The following NBEA variants were observed in gnomAD, a reference collection of about 807,000 sequenced individuals.
NBEA encodes neurobeachin.
Under a neutral mutation model 343.4 loss-of-function variants are expected in NBEA, and 44 were observed. The ratio of observed to expected loss-of-function variants is 0.13; its 90% CI spans 0.10 to 0.16. The LOEUF (loss-of-function observed/expected upper bound fraction) is 0.16. NBEA is among the 10% of genes least tolerant of loss of function. The pLI, the probability that NBEA is intolerant of heterozygous loss-of-function variation, is 1.00. For missense variants in NBEA, 2,555 were observed against 3,631.3 expected, an observed-to-expected ratio of 0.70 and a Z score of 7.62; for synonymous variants, 1,175 against 1,238.7, an observed-to-expected ratio of 0.95 and a Z score of 1.08.
intron 1 of NBEA, among the ~76,000 whole-genome samples, chr13:34,997,887 A>G (rs2060992018): frequency 6.6e-6 from 1 of 152,182 alleles, no homozygotes; most frequent in South Asian, 2.1e-4. Flanking sequence ...GACAATTTTT[A>G]CAAGAGACCT....
intron 1 of NBEA, among the ~76,000 whole-genome samples, chr13:34,996,047 T>C (rs1046136566): frequency 6.6e-6 from 1 of 152,178 alleles, no homozygotes; most frequent in Non-Finnish European, 1.5e-5. Context: ...ATTAAATGAC[T>C]TACCCAAGAT....
chr13:35,649,861 AG>A lies in NBEA; in HGVS notation c.7963+15del, dbSNP rs779342672. On this transcript the variant is annotated intron_variant, in intron 52 of 58. Transcript: ENST00000379939. ...ACAACACAGTAGGTATGTGTGCCTG[AG>A]CAAATCACTTACTAAAGATTTCTTA... 5.0e-6 allele frequency: 8 copies of A among 1,607,500 alleles called. No homozygotes were observed. In the Admixed American group the frequency reaches 8.6e-5, roughly 17 times the overall value.
At chr13:35,280,897 G>A (rs1218734294) in intron 34 of NBEA, among the ~76,000 whole-genome samples, 2 of 151,678 alleles carry the variant, frequency 1.3e-5, no homozygotes, top group African/African-American at 4.8e-5. Context: ...AGTAATAAAA[G>A]TACCACTTAC....
intron 1 of NBEA, among the ~76,000 whole-genome samples, chr13:35,021,367 T>A (rs2061832980): frequency 6.6e-6 from 1 of 152,192 alleles, no homozygotes; most frequent in Admixed American, 6.5e-5. Flanking sequence ...TGCATTTTTT[T>A]GTAGACAGAT....
In NBEA at chr13:34,965,059, T is replaced by C. The variant is rs114553134; in HGVS notation, c.294+21945T>C. ...GGTCTTCCATTAACATTATATGGTA[T>C]ATGTCAGCAGCATTCTTGTATGGTT... is the stretch of plus-strand genomic sequence containing the variant. On this transcript the variant is annotated intron_variant, in intron 1 of 58. Coordinates refer to ENST00000379939, the MANE Select transcript of NBEA (RefSeq NM_001385012.1). Among the ~76,000 whole-genome samples the C allele has an allele frequency of 4.9e-3, 749 of 152,190 alleles. 6 individuals carry two copies. Among genetic ancestry groups the C allele is most frequent in the African/African-American group, 0.017 (703 of 41,568 alleles).
chr13:34,968,676 T>C (rs1003344876), intron 1 of NBEA, among the ~76,000 whole-genome samples: 1 of 152,144 alleles, frequency 6.6e-6, no homozygotes, highest in African/African-American at 2.4e-5. Context: ...TTTAGAAAAA[T>C]GTGAAAAACT....
At position 35,135,747 on chromosome 13, in the gene NBEA, A is replaced by C. The variant is rs1382220341; in HGVS notation, c.2337-6522A>C. ...AAGGGGTGTAGAATAGAAAGCACAG[A>C]AACACATCCTGATATACGTGTATAT... On this transcript the variant is annotated intron_variant, in intron 17 of 58. Transcript: ENST00000379939. Among the ~76,000 whole-genome samples the C allele has an allele frequency of 2.0e-5, 3 of 152,076 alleles. No individual in the cohort carries two copies. The South Asian group carries it at 6.2e-4, about 32-fold the overall frequency.
intron 48 of NBEA, among the ~76,000 whole-genome samples, chr13:35,613,075 A>T (rs2082592393): frequency 6.7e-6 from 1 of 149,576 alleles, no homozygotes; most frequent in Non-Finnish European, 1.5e-5. Context: ...AATATATTTT[A>T]AAAATATATA....
chr13:35,441,364 A>C (rs1286897431), intron 39 of NBEA, among the ~76,000 whole-genome samples: 1 of 152,156 alleles, frequency 6.6e-6, no homozygotes, highest in Non-Finnish European at 1.5e-5. Context: ...TGAAAATTCT[A>C]ATCTATAGTA....
chr13:35,462,024 A>G (rs1481344368), intron 40 of NBEA, among the ~76,000 whole-genome samples: 3 of 152,240 alleles, frequency 2.0e-5, no homozygotes, highest in Non-Finnish European at 4.4e-5. Flanking sequence ...GAATCTGATT[A>G]GAATAGAAAA....
At chr13:35,538,693 C>A (rs9530689) in intron 41 of NBEA, among the ~76,000 whole-genome samples, 1 of 152,186 alleles carries the variant, frequency 6.6e-6, no homozygotes, top group Non-Finnish European at 1.5e-5. Context: ...ATAAACAGTG[C>A]GTCACATACC....
Position 35,118,424 on chromosome 13 carries a change from G to A in NBEA, c.2193G>A (p.Ser731=), listed in dbSNP as rs769776727. 4.7e-5 allele frequency: 75 copies of A among 1,606,664 alleles called. No homozygotes were observed. The highest frequency in any genetic ancestry group is 5.7e-5 in the Non-Finnish European group (67 of 1,177,138). Residue 731 remains serine (S), a synonymous_variant, in exon 16 of 59, where the codon TCG becomes TCA. Coordinates refer to ENST00000379939, the MANE Select transcript of NBEA (RefSeq NM_001385012.1). ...TACAGTTACTGGTGGCTTTAATGTCGGAACACCCAGCCTCAATGATACCAG... is the reference window on the plus strand; with the variant it reads ...TACAGTTACTGGTGGCTTTAATGTCAGAACACCCAGCCTCAATGATACCAG... ...DVLQLLVALM[S]EHPASMIPAF... is the part of the protein sequence containing the mutation.
intron 39 of NBEA, among the ~76,000 whole-genome samples, chr13:35,437,459 T>A (rs2045504060): frequency 6.6e-6 from 1 of 152,202 alleles, no homozygotes; most frequent in African/African-American, 2.4e-5. Flanking sequence ...TTTTTCATGC[T>A]TTTTTAGTAA....
chr13:34,958,133 A>AT (rs1184326729), intron 1 of NBEA, among the ~76,000 whole-genome samples: 1 of 152,108 alleles, frequency 6.6e-6, no homozygotes, highest in Non-Finnish European at 1.5e-5. Context: ...ACTTATTAAA[A>AT]TTCATTTTAC....
At chr13:35,239,662 A>G (rs889891729) in intron 34 of NBEA, among the ~76,000 whole-genome samples, 28 of 152,130 alleles carry the variant, frequency 1.8e-4, no homozygotes, top group African/African-American at 5.5e-4. Flanking sequence ...ATATGCATGT[A>G]CATGCACACA....
chr13:35,587,026 CTAAT>C (rs2081321223), intron 46 of NBEA, among the ~76,000 whole-genome samples: 2 of 152,086 alleles, frequency 1.3e-5, no homozygotes, highest in Non-Finnish European at 2.9e-5. Context: ...TACAAAAAAA[CTAAT>C]TAATTGGATT....
chr13:35,286,788 T>G (rs570998893), intron 34 of NBEA, among the ~76,000 whole-genome samples: 2 of 152,178 alleles, frequency 1.3e-5, no homozygotes, highest in African/African-American at 4.8e-5. Context: ...TTTTGTTTTG[T>G]TTTGTTTTAT....
intron 17 of NBEA, among the ~76,000 whole-genome samples, chr13:35,131,170 A>C (rs1292299414): frequency 6.6e-6 from 1 of 152,158 alleles, no homozygotes; most frequent in Non-Finnish European, 1.5e-5. Context: ...AAGGCCAAAA[A>C]GCCGTATTAT....
At chr13:35,437,940 C>G (rs1408961497) in intron 39 of NBEA, among the ~76,000 whole-genome samples, 1 of 152,100 alleles carries the variant, frequency 6.6e-6, no homozygotes, top group Non-Finnish European at 1.5e-5. Context: ...GTTTGATTGT[C>G]TTTGTTGACT....
Sources: gnomAD v4.1 joint callset for allele counts (sites outside exome capture counted in the v4.1 genomes callset) on GRCh38, gnomAD v4.1.1 for gene constraint, MANE v1.5 for transcripts, NCBI Gene and HGNC (gene_info 2026-07-23, HGNC 2026-07-21) for gene names.